The following RBM46 variants were observed in gnomAD, a reference collection of about 807,000 sequenced individuals.
RBM46 encodes the protein probable RNA-binding protein 46.
A neutral mutation model predicts 43.3 loss-of-function variants in RBM46; 12 were observed. The ratio of observed to expected loss-of-function variants is 0.28; its 90% CI spans 0.18 to 0.45. The LOEUF is 0.45. Ranked by LOEUF, RBM46 falls within the 20% of genes least tolerant of loss-of-function variation. The pLI is 1.00. For missense variants in RBM46, 412 were observed against 639.1 expected (o/e 0.64, Z 3.83); for synonymous variants, 205 against 207.6 (o/e 0.99, Z 0.11).
chr4:154,786,787 C>G (rs1260709615), intron 1 of RBM46, among the ~76,000 whole-genome samples: 2 of 152,044 alleles, frequency 1.3e-5, no homozygotes, highest in Non-Finnish European at 2.9e-5. Flanking sequence ...ATTAGCCAGG[C>G]ATGATGGCGC....
intron 1 of RBM46, among the ~76,000 whole-genome samples, chr4:154,792,741 A>C (rs907729043): frequency 2.6e-5 from 4 of 152,212 alleles, no homozygotes; most frequent in Non-Finnish European, 4.4e-5. Flanking sequence ...CTATAGGAAC[A>C]ATCTATGTAA....
intron 4 of RBM46, among the ~76,000 whole-genome samples, chr4:154,814,280 CT>C (rs562223903): frequency 2.0e-5 from 3 of 151,946 alleles, no homozygotes; most frequent in Non-Finnish European, 2.9e-5. Flanking sequence ...TTTCTTTCCC[CT>C]AGTCTCTTTC....
intron 4 of RBM46, 134 bp downstream of exon 4, chr4:154,799,698 G>T: frequency 1.8e-6 from 1 of 561,692 alleles, no homozygotes; most frequent in Non-Finnish European, 2.8e-6. Flanking sequence ...ATTTTATAAA[G>T]TCATGATAAC....
In RBM46 at chr4:154,803,814, T is replaced by C. The variant is rs370283434; in HGVS notation, c.1402+4250T>C. 2.6e-5 allele frequency among the ~76,000 whole-genome samples: 4 copies of C among 151,210 alleles called. No individual in the cohort carries two copies. The East Asian group carries it at 7.8e-4, about 29-fold the overall frequency. On this transcript the variant is annotated intron_variant, in intron 4 of 4. Coordinates refer to ENST00000281722, the MANE Select transcript of RBM46 (RefSeq NM_144979.5). The stretch of plus-strand genomic sequence containing the variant: ...GAGTTTAATGGGTAGAATCCTGATA[T>C]AGTTTGGACATTTGTCCCTGCCAAA...
At chr4:154,817,331 C>CTTTTTTT (rs58860836) in intron 4 of RBM46, among the ~76,000 whole-genome samples, 1 of 126,414 alleles carries the variant, frequency 7.9e-6, no homozygotes. Context: ...TTTTCTCTTT[C>CTTTTTTT]TTTTTTTTTT....
intron 4 of RBM46, among the ~76,000 whole-genome samples, chr4:154,806,810 G>A (rs1734929071): frequency 1.3e-5 from 2 of 151,762 alleles, no homozygotes; most frequent in Non-Finnish European, 3.0e-5. Flanking sequence ...TTAAAAGTTT[G>A]GAAACTAAAT....
intron 3 of RBM46, 99 bp from the exon 4 acceptor site, chr4:154,798,683 A>C: frequency 1.1e-6 from 1 of 910,718 alleles, no homozygotes; most frequent in East Asian, 3.0e-5. Context: ...ATTGATGTGT[A>C]GTTGAGTTTC....
Position 154,798,910 on chromosome 4 carries a change from G to A in RBM46, c.748G>A (p.Glu250Lys). ...VRNLMISTTE[E>K]TIKAEFNKFK... ...AAATTTAATGATCTCAACTACAGAG[G>A]AAACAATTAAAGCAGAATTCAATAA... The change falls in exon 4 of 5, where the codon GAA (glutamate) becomes AAA (lysine). Residue 250 changes from glutamate to lysine, a missense_variant. Glu to Lys is a moderately conservative substitution (Grantham distance 56). Around this residue, in one of 8 missense-constraint regions of RBM46, gnomAD observed 54 missense variants for 102.5 expected, o/e 0.53. Transcript: ENST00000281722. 4 of 1,613,294 alleles carry A rather than the reference G, an allele frequency of 2.5e-6. No homozygotes were observed. Among genetic ancestry groups the A allele is most frequent in the Non-Finnish European group, 3.4e-6 (4 of 1,179,676 alleles).
rs893739505 is a variant in RBM46 at position 154,823,383 on chromosome 4, A to C, written c.1403-4485A>C. On this transcript the variant is annotated intron_variant, in intron 4 of 4. Coordinates refer to ENST00000281722, the MANE Select transcript of RBM46 (RefSeq NM_144979.5). ...CACTAAGTTGCACACTTAAAGATAG[A>C]AAGTGGATGGATATGGTGGTAGAAC... Among the ~76,000 whole-genome samples the C allele has an allele frequency of 3.9e-5, 6 of 152,064 alleles. No homozygotes were observed. The East Asian group carries it at 1.2e-3, about 29-fold the overall frequency.
rs759763857 is a variant in RBM46, at chr4:154,798,262, G to A, written c.603G>A (p.Arg201=). The part of the protein sequence containing the change: ...YESHRAAAMA[R]RKLIPGTFQL... Reference sequence around the variant, plus strand: ...CTCACAGAGCTGCTGCTATGGCAAGGAGGAAACTAATTCCAGGTAAACTGA... The same window carrying A: ...CTCACAGAGCTGCTGCTATGGCAAGAAGGAAACTAATTCCAGGTAAACTGA... Residue 201 remains arginine, a synonymous_variant, in exon 3 of 5, where the codon AGG becomes AGA. Coordinates refer to ENST00000281722, the MANE Select transcript of RBM46 (RefSeq NM_144979.5). 1.9e-6 allele frequency: 3 copies of A among 1,577,764 alleles called. No homozygotes were observed. Among genetic ancestry groups the A allele is most frequent in the South Asian group, 2.4e-5 (2 of 84,002 alleles).
At chr4:154,788,621 G>A (rs1320348388) in intron 1 of RBM46, among the ~76,000 whole-genome samples, 2 of 152,168 alleles carry the variant, frequency 1.3e-5, no homozygotes, top group Non-Finnish European at 2.9e-5. Flanking sequence ...GTAGCGTGGT[G>A]CGTCCAGCTT....
chr4:154,811,663 G>GTGTATC (rs1365715615), intron 4 of RBM46, among the ~76,000 whole-genome samples: 1 of 128,358 alleles, frequency 7.8e-6, no homozygotes, highest in African/African-American at 3.1e-5. Context: ...GTGTGTGTGT[G>GTGTATC]TGTGTCTGTG....
chr4:154,815,216 C>T (rs191902992), intron 4 of RBM46, among the ~76,000 whole-genome samples: 31 of 152,038 alleles, frequency 2.0e-4, no homozygotes, highest in Admixed American at 6.6e-5. Context: ...ATATAACTTG[C>T]TGTCTTTGTT....
chr4:154,792,568 G>T (rs1331549813), intron 1 of RBM46, among the ~76,000 whole-genome samples: 1 of 152,176 alleles, frequency 6.6e-6, no homozygotes, highest in Non-Finnish European at 1.5e-5. Flanking sequence ...ATGTCTGGTA[G>T]TGGGAGAGAG....
intron 4 of RBM46, among the ~76,000 whole-genome samples, chr4:154,812,203 G>A (rs531644663): frequency 6.6e-6 from 1 of 152,002 alleles, no homozygotes; most frequent in African/African-American, 2.4e-5. Flanking sequence ...AAATATTATT[G>A]GCAAATTATG....
At chr4:154,790,955 A>G (rs1437196486) in intron 1 of RBM46, among the ~76,000 whole-genome samples, 1 of 152,248 alleles carries the variant, frequency 6.6e-6, no homozygotes, top group African/African-American at 2.4e-5. Context: ...CGACAATAGC[A>G]TGCAGCTTTG....
intron 4 of RBM46, chr4:154,827,367 T>G: frequency 1.0e-6 from 1 of 982,924 alleles, no homozygotes; most frequent in Non-Finnish European, 1.2e-6. Flanking sequence ...TTTATATTAG[T>G]ATTTAAATAA....
chr4:154,781,915 G>A (rs1188564969), intron 1 of RBM46: 2 of 152,320 alleles, frequency 1.3e-5, no homozygotes, highest in Non-Finnish European at 2.9e-5. Context: ...ACGCCGTCTG[G>A]GGCGTCCCGA....
intron 4 of RBM46, among the ~76,000 whole-genome samples, chr4:154,809,659 C>A (rs1019202875): frequency 6.6e-6 from 1 of 152,110 alleles, no homozygotes; most frequent in African/African-American, 2.4e-5. Context: ...CTCCTCCACT[C>A]AATTTCTTAA....
Sources: allele counts gnomAD v4.1 joint callset (sites outside exome capture counted in the v4.1 genomes callset), GRCh38; gene constraint gnomAD v4.1.1; regional missense constraint gnomAD v4.1.1; transcripts MANE v1.5; gene names NCBI Gene and HGNC (gene_info 2026-07-23, HGNC 2026-07-21).